The following CACNA1B variants were observed in gnomAD, a reference collection of about 807,000 sequenced individuals.
CACNA1B encodes the protein voltage-dependent N-type calcium channel subunit alpha-1B.
A neutral mutation model predicts 247.2 loss-of-function variants in CACNA1B; 70 were observed. The observed-to-expected ratio is 0.28, with a 90% CI of 0.23 to 0.35. The LOEUF (loss-of-function observed/expected upper bound fraction) is 0.35. CACNA1B is among the 10% of genes least tolerant of loss of function. The pLI is 1.00. For synonymous variants in CACNA1B, 1,231 were observed against 1,294.4 expected (o/e 0.95, Z 1.05); for missense variants, 2,367 against 3,197.4 (o/e 0.74, Z 6.26).
chr9:137,895,973 C>T (rs1033886500), intron 3 of CACNA1B, among the ~76,000 whole-genome samples: 12 of 152,206 alleles, frequency 7.9e-5, no homozygotes, highest in Non-Finnish European at 1.3e-4. Context: ...GGCGTAGTGG[C>T]TCACGCCTGT....
At position 137,965,573 on chromosome 9, in the gene CACNA1B, TTTTATTTATTTATTTA is replaced by T. The variant is rs10586603; in HGVS notation, c.1334-5781_1334-5766del. On this transcript the variant is annotated intron_variant, in intron 10 of 46. Transcript: ENST00000371372. ...GGTGCATGCCTGTAGTCCTACTTCATTTTATTTATTTATTTATTTATTTATTTATTTATTTATTTAT... is the reference window on the plus strand; with the variant it reads ...GGTGCATGCCTGTAGTCCTACTTCATTTTATTTATTTATTTATTTATTTAT... Among the ~76,000 whole-genome samples the T allele has an allele frequency of 2.6e-4, 39 of 148,522 alleles. No homozygotes were observed. The East Asian group carries it at 4.2e-3, about 16-fold the overall frequency.
chr9:137,915,999 G>A (rs1039849616), intron 5 of CACNA1B, among the ~76,000 whole-genome samples: 5 of 149,094 alleles, frequency 3.4e-5, no homozygotes, highest in Non-Finnish European at 5.9e-5. Context: ...TTTCTCCTAT[G>A]TTGATAGATA....
intron 41 of CACNA1B, among the ~76,000 whole-genome samples, chr9:138,115,109 A>T (rs1411597499): frequency 6.6e-6 from 1 of 152,156 alleles, no homozygotes; most frequent in African/African-American, 2.4e-5. Context: ...GGTAGACATC[A>T]CTAATCCATG....
Position 137,990,763 on chromosome 9 carries a change from G to A in CACNA1B, c.1974+3909G>A, listed in dbSNP as rs1312205145. On this transcript the variant is annotated intron_variant, in intron 15 of 46. Transcript: ENST00000371372. The surrounding 1 kb of genome is among the most constrained non-coding windows in gnomAD (Gnocchi z 4.5). ...TCCGCACCTGAAAGACCTGAAGATGGATCACATCACAGGACTCTTGACAGA... is the reference window on the plus strand; with the variant it reads ...TCCGCACCTGAAAGACCTGAAGATGAATCACATCACAGGACTCTTGACAGA... 6.6e-6 allele frequency among the ~76,000 whole-genome samples: 1 copy of A among 152,182 alleles called. No homozygotes were observed. The highest frequency in any genetic ancestry group is 1.5e-5 in the Non-Finnish European group (1 of 68,048).
At chr9:138,082,600 AG>A (rs1378069716) in intron 36 of CACNA1B, among the ~76,000 whole-genome samples, 1 of 151,388 alleles carries the variant, frequency 6.6e-6, no homozygotes, top group African/African-American at 2.4e-5. Flanking sequence ...CACTAGGTAC[AG>A]AGAAGCCTCT....
chr9:137,956,934 C>A, intron 9 of CACNA1B, 107 bp downstream of exon 9: 4 of 875,350 alleles, frequency 4.6e-6, no homozygotes, highest in Non-Finnish European at 7.6e-6. Flanking sequence ...CTTGGCAGTG[C>A]CAGGCACCTG....
intron 6 of CACNA1B, among the ~76,000 whole-genome samples, chr9:137,935,978 T>C (rs1028952700): frequency 1.3e-5 from 2 of 152,210 alleles, no homozygotes; most frequent in Non-Finnish European, 2.9e-5. Flanking sequence ...TGCCTCAGCC[T>C]CCTGAGTAGC....
intron 31 of CACNA1B, among the ~76,000 whole-genome samples, chr9:138,062,625 T>C (rs1959767296): frequency 6.6e-6 from 1 of 152,176 alleles, no homozygotes; most frequent in Non-Finnish European, 1.5e-5. Flanking sequence ...TTGGCCCCTC[T>C]CATTATGCTT....
At chr9:137,903,686 A>G (rs1193396581) in intron 3 of CACNA1B, among the ~76,000 whole-genome samples, 1 of 152,228 alleles carries the variant, frequency 6.6e-6, no homozygotes, top group East Asian at 1.9e-4. Flanking sequence ...AAGTTTAGAA[A>G]TAAATATATA....
intron 36 of CACNA1B, among the ~76,000 whole-genome samples, chr9:138,078,649 C>T (rs1589115633): frequency 6.6e-6 from 1 of 152,026 alleles, no homozygotes; most frequent in Non-Finnish European, 1.5e-5. Context: ...GATTTTATTT[C>T]ACATCCATGG....
chr9:137,938,647 A>G (rs544935271), intron 6 of CACNA1B, among the ~76,000 whole-genome samples: 1 of 152,236 alleles, frequency 6.6e-6, no homozygotes, highest in Non-Finnish European at 1.5e-5. Context: ...AACAACAGTT[A>G]AAAAAGACAA....
chr9:137,971,721 A>G lies in CACNA1B; in HGVS notation c.1543+129A>G. 2 of 769,546 alleles carry G rather than the reference A, an allele frequency of 2.6e-6. No homozygotes were observed. The highest frequency in any genetic ancestry group is 4.2e-6 in the Non-Finnish European group (2 of 470,938). The allele number at this position is 769,546 out of a possible 1,614,324, so 47.7% of individuals were successfully genotyped here. A position where few individuals can be genotyped will look rare whatever the true frequency, so the allele number is the denominator to read the frequency against. On this transcript the variant is annotated intron_variant, in intron 11 of 46. Coordinates refer to ENST00000371372, the MANE Select transcript of CACNA1B (RefSeq NM_000718.4). The surrounding 1 kb of genome is among the most constrained non-coding windows in gnomAD (Gnocchi z 4.4). The stretch of plus-strand genomic sequence containing the variant: ...ACCCCCATGTTGCTCAAAGTATCCC[A>G]CAGCCCTAGTCAGCCTCCAGGAGCC...
At chr9:137,886,176 G>A (rs1316394482) in intron 3 of CACNA1B, among the ~76,000 whole-genome samples, 4 of 152,066 alleles carry the variant, frequency 2.6e-5, no homozygotes, top group African/African-American at 7.2e-5. Context: ...CAATAACACC[G>A]TGCTACCAGG....
intron 6 of CACNA1B, among the ~76,000 whole-genome samples, chr9:137,948,689 CAT>C (rs1957827332): frequency 7.3e-6 from 1 of 137,222 alleles, no homozygotes; most frequent in South Asian, 2.5e-4. Context: ...GTGTGGTGTG[CAT>C]GTGTGTGTGT....
rs1239200316 is a variant in CACNA1B, at chr9:138,023,337, A to G, written c.2594A>G (p.Asp865Gly). The G allele has an allele frequency of 6.7e-7, 1 of 1,484,564 alleles. No homozygotes were observed. The allele number at this position is 1,484,564 out of a possible 1,614,324, so 92.0% of individuals were successfully genotyped here. The change falls in exon 19 of 47, where the codon GAC (aspartate) becomes GGC (glycine). Residue 865 changes from aspartate (D) to glycine (G), a missense_variant. Asp to Gly is a moderately conservative substitution (Grantham distance 94, BLOSUM62 -1). This residue lies in a region of CACNA1B where 631 missense variants were observed against 631.1 expected (regional missense o/e 1.00). Transcript: ENST00000371372. ...RDKDKTPAAG[D>G]QDRAEAPKAE... ...AAGGACAAGACCCCCGCGGCGGGGG[A>G]CCAGGACCGAGCAGAGGCCCCGAAG... is the stretch of plus-strand genomic sequence containing the variant.
intron 6 of CACNA1B, among the ~76,000 whole-genome samples, chr9:137,931,126 G>C (rs1339621489): frequency 1.3e-5 from 2 of 152,038 alleles, no homozygotes; most frequent in Non-Finnish European, 2.9e-5. Flanking sequence ...TTGGCGGTTT[G>C]AACAAAGAAT....
At chr9:138,036,982 G>A (rs576172951) in intron 20 of CACNA1B, among the ~76,000 whole-genome samples, 17 of 152,182 alleles carry the variant, frequency 1.1e-4, no homozygotes, top group African/African-American at 3.9e-4. Flanking sequence ...AACTTTTTAC[G>A]GTTGGTTTGA....
At chr9:137,949,216 GTGTGAGT>G (rs1957844695) in intron 6 of CACNA1B, among the ~76,000 whole-genome samples, 3 of 59,536 alleles carry the variant, frequency 5.0e-5, no homozygotes, top group East Asian at 4.8e-4. Flanking sequence ...GGTATGTGTG[GTGTGAGT>G]GTGTGTGTGG....
chr9:138,049,749 C>T (rs1959216782), intron 24 of CACNA1B, among the ~76,000 whole-genome samples: 1 of 152,228 alleles, frequency 6.6e-6, no homozygotes, highest in African/African-American at 2.4e-5. Flanking sequence ...CTGGTGCTTT[C>T]GCCCAAGGCA....
Sources: allele counts gnomAD v4.1 joint callset (sites outside exome capture counted in the v4.1 genomes callset), GRCh38; gene constraint gnomAD v4.1.1; regional missense constraint gnomAD v4.1.1; non-coding constraint Gnocchi (gnomAD v3.1); transcripts MANE v1.5; gene names NCBI Gene and HGNC (gene_info 2026-07-23, HGNC 2026-07-21).